Variants in ACAD11 observed in about 807,000 individuals in gnomAD.
ACAD11 encodes the protein acyl-CoA dehydrogenase family member 11.
ACAD11 carries 83 observed loss-of-function variants against 102.2 expected under a neutral mutation model. The ratio of observed to expected loss-of-function variants is 0.81; its 90% CI spans 0.68 to 0.97. The LOEUF is 0.97. Ranked by LOEUF, ACAD11 falls within the 50% of genes least tolerant of loss-of-function variation. The pLI, the probability that ACAD11 is intolerant of heterozygous loss-of-function variation, is 0.00. For missense variants in ACAD11, 901 were observed against 951.7 expected (o/e 0.95, Z 0.70); for synonymous variants, 324 against 319.8 (o/e 1.01, Z -0.14).
intron 17 of ACAD11, among the ~76,000 whole-genome samples, chr3:132,563,019 A>G (rs1421263829): frequency 6.6e-6 from 1 of 152,218 alleles, no homozygotes; most frequent in East Asian, 1.9e-4. Context: ...TGTGGTTTAG[A>G]TCAAGGGTCC....
intron 9 of ACAD11, among the ~76,000 whole-genome samples, chr3:132,623,126 T>A (rs1160288134): frequency 6.6e-6 from 1 of 152,214 alleles, no homozygotes; most frequent in Non-Finnish European, 1.5e-5. Context: ...GCTCTCACTT[T>A]ATAATATTCA....
In ACAD11 at chr3:132,630,479, G is replaced by T. The variant is rs768617080; in HGVS notation, c.921C>A (p.Phe307Leu). The T allele has an allele frequency of 6.8e-6, 11 of 1,613,138 alleles. No homozygotes were observed. In the South Asian group the frequency reaches 1.1e-4, roughly 16 times the overall value. ...GINSILPNWNFFLALSYFKMA... is the reference protein window; with the variant it reads ...GINSILPNWNLFLALSYFKMA... Reference sequence around the variant, plus strand: ...TCTTAAAATATGAAAGGGCAAGAAAGAAATTCCAGTTAGGAAGAATAGAAT... The same window carrying T: ...TCTTAAAATATGAAAGGGCAAGAAATAAATTCCAGTTAGGAAGAATAGAAT... Residue 307 changes from phenylalanine to leucine, a missense_variant, in exon 7 of 20, where the codon TTC (phenylalanine) becomes TTA (leucine). Physicochemically the swap from Phe to Leu is conservative, Grantham distance 22. Coordinates refer to ENST00000264990, the MANE Select transcript of ACAD11 (RefSeq NM_032169.5).
At chr3:132,560,682 C>T (rs904351698) in intron 18 of ACAD11, among the ~76,000 whole-genome samples, 3 of 152,118 alleles carry the variant, frequency 2.0e-5, no homozygotes, top group Admixed American at 1.3e-4. Context: ...GCTTGGATTA[C>T]AGGCGAGAGC....
At chr3:132,564,795 G>T (rs1160588667) in intron 17 of ACAD11, among the ~76,000 whole-genome samples, 1 of 152,122 alleles carries the variant, frequency 6.6e-6, no homozygotes, top group African/African-American at 2.4e-5. Context: ...ATAACCCTGG[G>T]CATTATCTAT....
intron 13 of ACAD11, among the ~76,000 whole-genome samples, chr3:132,581,086 CT>C (rs1240234703): frequency 6.6e-6 from 1 of 151,908 alleles, no homozygotes; most frequent in Non-Finnish European, 1.5e-5. Context: ...TAGATAAATG[CT>C]TGTGACATTT....
chr3:132,624,349 G>A (rs1939719935), intron 9 of ACAD11, among the ~76,000 whole-genome samples: 2 of 151,102 alleles, frequency 1.3e-5, no homozygotes, highest in Admixed American at 1.3e-4. Context: ...GCTCACACCT[G>A]TAATCCCAGC....
chr3:132,595,108 G>C (rs997280644), intron 13 of ACAD11, among the ~76,000 whole-genome samples: 5 of 152,300 alleles, frequency 3.3e-5, no homozygotes, highest in African/African-American at 1.2e-4. Context: ...TGGGAGTCCA[G>C]ATGGATGAGG....
At chr3:132,604,983 T>C in intron 12 of ACAD11, 115 bp downstream of exon 12, 1 of 684,352 alleles carries the variant, frequency 1.5e-6, no homozygotes, top group Non-Finnish European at 2.4e-6. Flanking sequence ...CTCACATTTT[T>C]GGCCAATGGC....
chr3:132,644,016 T>A (rs1399750566), intron 2 of ACAD11, among the ~76,000 whole-genome samples: 1 of 151,956 alleles, frequency 6.6e-6, no homozygotes, highest in African/African-American at 2.4e-5. Context: ...GTTACCCAAC[T>A]TTTTTTTATC....
intron 15 of ACAD11, 182 bp downstream of exon 15, chr3:132,578,614 A>G: frequency 3.3e-6 from 1 of 306,024 alleles, no homozygotes; most frequent in East Asian, 6.4e-5. Context: ...CATAAATGCT[A>G]TACTATTTCT....
chr3:132,595,297 G>A (rs1035181947), intron 13 of ACAD11, among the ~76,000 whole-genome samples: 1 of 152,198 alleles, frequency 6.6e-6, no homozygotes, highest in African/African-American at 2.4e-5. Flanking sequence ...CAAACAGCAA[G>A]AAGCTGGGTA....
chr3:132,590,709 C>A (rs1299012300), intron 13 of ACAD11, among the ~76,000 whole-genome samples: 2 of 152,108 alleles, frequency 1.3e-5, no homozygotes, highest in East Asian at 3.8e-4. Context: ...TCCTGACTGG[C>A]GTGAGATGGT....
At chr3:132,628,301 G>C (rs1262011637) in intron 8 of ACAD11, 39 bp downstream of exon 8, 2 of 1,443,840 alleles carry the variant, frequency 1.4e-6, no homozygotes, top group East Asian at 2.3e-5. Context: ...CCCAATAAAG[G>C]CTCTAATTTG....
intron 13 of ACAD11, among the ~76,000 whole-genome samples, chr3:132,595,122 A>G (rs955512374): frequency 1.3e-5 from 2 of 152,156 alleles, no homozygotes; most frequent in Non-Finnish European, 2.9e-5. Flanking sequence ...GATGAGGGTT[A>G]TTTTAAGTAG....
intron 5 of ACAD11, among the ~76,000 whole-genome samples, chr3:132,636,900 A>G (rs1259042596): frequency 6.6e-6 from 1 of 152,172 alleles, no homozygotes; most frequent in Non-Finnish European, 1.5e-5. Context: ...AGAAGACAAG[A>G]CCACATGCTG....
chr3:132,637,669 G>T (rs1940322271), intron 5 of ACAD11, among the ~76,000 whole-genome samples: 1 of 152,124 alleles, frequency 6.6e-6, no homozygotes, highest in African/African-American at 2.4e-5. Context: ...ACATTTTCCA[G>T]GAAAACTGGA....
At chr3:132,614,000 A>G (rs1348194256) in intron 11 of ACAD11, among the ~76,000 whole-genome samples, 1 of 152,218 alleles carries the variant, frequency 6.6e-6, no homozygotes, top group African/African-American at 2.4e-5. Context: ...TCAATGTGCA[A>G]AAATCACAAG....
chr3:132,613,882 C>T (rs890698486), intron 11 of ACAD11, among the ~76,000 whole-genome samples: 12 of 151,882 alleles, frequency 7.9e-5, no homozygotes, highest in South Asian at 6.2e-4. Context: ...TTGGGCGAGA[C>T]GAGTGAGACT....
chr3:132,575,654 A>G lies in ACAD11; in HGVS notation c.2001+118T>C, dbSNP rs1453592036. 2.4e-6 allele frequency: 3 copies of G among 1,227,876 alleles called. No homozygotes were observed. The African/African-American group carries it at 4.5e-5, about 19-fold the overall frequency. The allele number at this position is 1,227,876 out of a possible 1,614,324, so 76.1% of individuals were successfully genotyped here. On this transcript the variant is annotated intron_variant, in intron 17 of 19. Coordinates refer to ENST00000264990, the MANE Select transcript of ACAD11 (RefSeq NM_032169.5). ...TTAAATACAGACATAAATATGCCTTATTGAAAAGAATCACCCGGTTCATGT... is the reference window on the plus strand; with the variant it reads ...TTAAATACAGACATAAATATGCCTTGTTGAAAAGAATCACCCGGTTCATGT...
Sources: gnomAD v4.1 joint callset for allele counts (sites outside exome capture counted in the v4.1 genomes callset) on GRCh38, gnomAD v4.1.1 for gene constraint, MANE v1.5 for transcripts, NCBI Gene and HGNC (gene_info 2026-07-23, HGNC 2026-07-21) for gene names.